LRGUK: variants seen among roughly 807,000 people sequenced by gnomAD.
LRGUK encodes leucine-rich repeat and guanylate kinase domain-containing protein.
In LRGUK, 65 loss-of-function variants were observed where a neutral mutation model predicts 76.0. The ratio of observed to expected loss-of-function variants is 0.85; its 90% CI spans 0.70 to 1.05. LRGUK has a LOEUF of 1.05. Among genes scored for constraint, LRGUK ranks in the 50% least tolerant of loss-of-function variants. The pLI is 0.00. For synonymous variants in LRGUK, 268 were observed against 265.6 expected (o/e 1.01, Z -0.09); for missense variants, 758 against 732.8 (o/e 1.03, Z -0.40).
chr7:134,185,444 C>T (rs909474264), intron 11 of LRGUK, among the ~76,000 whole-genome samples: 6 of 151,760 alleles, frequency 4.0e-5, no homozygotes, highest in Non-Finnish European at 8.8e-5. Context: ...ACCTGTAATC[C>T]CAGCTGCTCG....
At chr7:134,166,948 A>T (rs766171679) in intron 7 of LRGUK, among the ~76,000 whole-genome samples, 2 of 152,210 alleles carry the variant, frequency 1.3e-5, no homozygotes, top group Non-Finnish European at 2.9e-5. Flanking sequence ...TTCTAAGTGA[A>T]TTTAATTTCT....
At chr7:134,245,115 A>G (rs1432863740) in intron 16 of LRGUK, among the ~76,000 whole-genome samples, 1 of 152,196 alleles carries the variant, frequency 6.6e-6, no homozygotes, top group Non-Finnish European at 1.5e-5. Context: ...CAGCACACCA[A>G]CATGGCACAT....
intron 11 of LRGUK, among the ~76,000 whole-genome samples, chr7:134,186,421 C>T (rs1799981728): frequency 6.6e-6 from 1 of 152,238 alleles, no homozygotes; most frequent in Non-Finnish European, 1.5e-5. Flanking sequence ...GGGCGCATGT[C>T]AGCCTTGTTC....
intron 16 of LRGUK, among the ~76,000 whole-genome samples, chr7:134,241,661 A>G (rs1235839522): frequency 6.6e-6 from 1 of 152,200 alleles, no homozygotes. Context: ...CAGAAAGTTA[A>G]CAGGGATATC....
chr7:134,249,872 T>G (rs903346041), intron 18 of LRGUK, among the ~76,000 whole-genome samples: 2 of 152,188 alleles, frequency 1.3e-5, no homozygotes, highest in Non-Finnish European at 2.9e-5. Context: ...GAAAACAAAT[T>G]TACACAAAGA....
intron 17 of LRGUK, 54 bp from the exon 18 acceptor site, chr7:134,248,897 G>C (rs1053590185): frequency 1.5e-6 from 2 of 1,341,424 alleles, no homozygotes; most frequent in Non-Finnish European, 1.9e-6. Flanking sequence ...GTGTACACTT[G>C]GTATCTTTAC....
In LRGUK at chr7:134,237,057, T is replaced by C. The variant is rs930630379; in HGVS notation, c.1984-10499T>C. Among the ~76,000 whole-genome samples, 3 of 142,372 alleles carry C rather than the reference T, an allele frequency of 2.1e-5. No individual in the cohort carries two copies. In the East Asian group the frequency reaches 6.1e-4, roughly 29 times the overall value. The allele number at this position is 142,372 out of a possible 152,430, so 93.4% of individuals were successfully genotyped here. ...CTAAATGCTTTTCTCTTTCTTTTTT[T>C]TTTTTTTTTTTTTTTGAGACTGTCT... On this transcript the variant is annotated intron_variant, in intron 16 of 19. Coordinates refer to the LRGUK transcript ENST00000285928.
At position 134,215,557 on chromosome 7, in the gene LRGUK, A is replaced by ATAAGATAC. The variant is rs1801414531; in HGVS notation, c.1844-6221_1844-6214dup. Among the ~76,000 whole-genome samples, 4 of 152,226 alleles carry ATAAGATAC rather than the reference A, an allele frequency of 2.6e-5. No individual in the cohort carries two copies. In the South Asian group the frequency reaches 8.3e-4, roughly 32 times the overall value. On this transcript the variant is annotated intron_variant, in intron 15 of 19. Coordinates refer to the LRGUK transcript ENST00000285928. ...TTCTTTGTCAATGTGGGGGCTCAGG[A>ATAAGATAC]TAAGATACATCCAAAATCTATATGT...
chr7:134,157,345 A>C (rs1251633637), intron 5 of LRGUK, among the ~76,000 whole-genome samples: 1 of 152,194 alleles, frequency 6.6e-6, no homozygotes, highest in Non-Finnish European at 1.5e-5. Flanking sequence ...TGCATGGTGC[A>C]TGTTGCCCCT....
chr7:134,178,351 A>C, intron 9 of LRGUK, 152 bp from the exon 10 acceptor site: 1 of 458,090 alleles, frequency 2.2e-6, no homozygotes. Flanking sequence ...AGTAGACATG[A>C]AGACTGAATA....
intron 14 of LRGUK, among the ~76,000 whole-genome samples, chr7:134,200,555 T>C (rs918540117): frequency 6.6e-6 from 1 of 151,614 alleles, no homozygotes; most frequent in Non-Finnish European, 1.5e-5. Context: ...AAAAAACTAA[T>C]AACACTGATT....
intron 16 of LRGUK, among the ~76,000 whole-genome samples, chr7:134,240,298 A>T (rs925030816): frequency 6.6e-6 from 1 of 152,194 alleles, no homozygotes; most frequent in Non-Finnish European, 1.5e-5. Context: ...GAAGCTAAAA[A>T]CCTTGATGAA....
chr7:134,175,983 T>A (rs1799462114), intron 8 of LRGUK, among the ~76,000 whole-genome samples: 1 of 152,190 alleles, frequency 6.6e-6, no homozygotes, highest in Non-Finnish European at 1.5e-5. Flanking sequence ...ATTTGCAGAA[T>A]TGAGACTTGT....
intron 2 of LRGUK, 77 bp from the exon 3 acceptor site, chr7:134,139,359 A>G (rs1585420525): frequency 1.1e-6 from 1 of 906,886 alleles, no homozygotes; most frequent in Non-Finnish European, 1.7e-6. Context: ...ATTTCTTTCC[A>G]TCAAGAGTTA....
At chr7:134,140,087 G>A (rs921359033) in intron 3 of LRGUK, among the ~76,000 whole-genome samples, 34 of 152,090 alleles carry the variant, frequency 2.2e-4, no homozygotes, top group African/African-American at 7.0e-4. Flanking sequence ...TCCTGCCTCA[G>A]CCTCTGGAGT....
intron 13 of LRGUK, among the ~76,000 whole-genome samples, chr7:134,198,347 A>G (rs995014073): frequency 4.0e-5 from 6 of 151,626 alleles, no homozygotes; most frequent in Non-Finnish European, 7.4e-5. Context: ...CTGGGAGTTC[A>G]CTCTTCCTCA....
In LRGUK at chr7:134,191,694, G is replaced by T. The variant is rs747084943; in HGVS notation, c.1374G>T (p.Gly458=). Residue 458 remains glycine, a synonymous_variant, in exon 12 of 16, where the codon GGG becomes GGT. Coordinates refer to ENST00000645682, the Ensembl canonical transcript of LRGUK. ...CAAGACCACCTTACTTTGGAGAAGG[G>T]GATCGAGTTGATTATCATTTTATCT... 3.7e-6 allele frequency: 6 copies of T among 1,612,982 alleles called. No individual in the cohort carries two copies. In the African/African-American group the frequency reaches 8.0e-5, roughly 22 times the overall value.
intron 7 of LRGUK, among the ~76,000 whole-genome samples, chr7:134,165,838 A>C (rs1377409016): frequency 2.0e-5 from 3 of 152,204 alleles, no homozygotes. Flanking sequence ...TTCCATTTCA[A>C]GAGGCTTTTC....
intron 15 of LRGUK, among the ~76,000 whole-genome samples, chr7:134,220,725 C>T (rs1017633896): frequency 1.3e-5 from 2 of 152,158 alleles, no homozygotes; most frequent in African/African-American, 2.4e-5. Context: ...CACACCACCA[C>T]ATCAGGCTAA....
Sources: allele counts gnomAD v4.1 joint callset (sites outside exome capture counted in the v4.1 genomes callset), GRCh38; gene constraint gnomAD v4.1.1; transcripts MANE v1.5; gene names NCBI Gene and HGNC (gene_info 2026-07-23, HGNC 2026-07-21).